PAX5: variants seen among roughly 807,000 people sequenced by gnomAD.
PAX5 encodes the protein paired box protein Pax-5.
Under a neutral mutation model 43.7 loss-of-function variants are expected in PAX5, and 9 were observed. That is an observed-to-expected ratio of 0.21 (90% CI 0.12 to 0.36). The LOEUF is 0.36. PAX5 is among the 10% of genes least tolerant of loss of function. The pLI, the probability that PAX5 is intolerant of heterozygous loss-of-function variation, is 1.00. For synonymous variants in PAX5, 228 were observed against 214.3 expected (o/e 1.06, Z -0.56); for missense variants, 383 against 532.7 (o/e 0.72, Z 2.77).
intron 1 of PAX5, among the ~76,000 whole-genome samples, chr9:37,029,239 G>T (rs1220853746): frequency 6.6e-6 from 1 of 152,108 alleles, no homozygotes; most frequent in African/African-American, 2.4e-5. Flanking sequence ...TCTCTGCCTC[G>T]GTTTCCCTTC....
intron 6 of PAX5, among the ~76,000 whole-genome samples, chr9:36,958,900 TG>T (rs2132148468): frequency 6.6e-6 from 1 of 152,318 alleles, no homozygotes; most frequent in East Asian, 1.9e-4. Context: ...AGCCAGATAC[TG>T]TCTGGAGGCA....
chr9:36,841,302 T>C (rs1375865647), intron 9 of PAX5, among the ~76,000 whole-genome samples: 1 of 152,234 alleles, frequency 6.6e-6, no homozygotes, highest in Non-Finnish European at 1.5e-5. Context: ...GCATGTATTA[T>C]CTCATTTAAA....
rs531846527 is a variant in PAX5, at chr9:37,020,867, C to A, written c.47-66G>T. On this transcript the variant is annotated intron_variant, in intron 1 of 9. Transcript: ENST00000358127. The stretch of plus-strand genomic sequence containing the variant: ...TAGAACCAGTCACATAGGAGAAGCA[C>A]CGCTGTGAGGACCCAGAGCCCCTCT... 587 of 1,552,150 alleles carry A rather than the reference C, an allele frequency of 3.8e-4. 9 individuals are homozygous for A. The South Asian group carries it at 6.5e-3, about 17-fold the overall frequency.
rs529500043 is a variant in PAX5 at position 37,034,155 on chromosome 9, T to C, written c.-124A>G. The C allele has an allele frequency of 1.7e-6, 1 of 579,604 alleles. No homozygotes were observed. Among genetic ancestry groups the C allele is most frequent in the South Asian group, 2.0e-5 (1 of 49,520 alleles). 35.9% of individuals were successfully genotyped at this position (579,604 alleles called of 1,614,324 possible). On this transcript the variant is annotated 5_prime_UTR_variant, in exon 1 of 10. Coordinates refer to ENST00000358127, the MANE Select transcript of PAX5 (RefSeq NM_016734.3). ...GCCAGGGGCCGCTCACAGGTCGGAA[T>C]AATTCAAGCCTTCCGCTCCCCCGCC... is the stretch of plus-strand genomic sequence containing the variant.
At chr9:37,029,206 C>G (rs558537680) in intron 1 of PAX5, among the ~76,000 whole-genome samples, 18 of 152,300 alleles carry the variant, frequency 1.2e-4, no homozygotes, top group African/African-American at 4.3e-4. Context: ...TGAGAGGATT[C>G]CTGGGTTATC....
intron 5 of PAX5, among the ~76,000 whole-genome samples, chr9:36,981,739 G>A (rs554041550): frequency 2.0e-5 from 3 of 152,354 alleles, no homozygotes; most frequent in East Asian, 3.9e-4. Context: ...CAAAAGTGGT[G>A]GAGCACAGAG....
chr9:36,928,054 C>T (rs1257396303), intron 6 of PAX5, among the ~76,000 whole-genome samples: 3 of 152,230 alleles, frequency 2.0e-5, no homozygotes, highest in African/African-American at 7.2e-5. Flanking sequence ...TTGCCCAGAG[C>T]CCAGCCTCTC....
chr9:36,868,586 G>A (rs1825127342), intron 8 of PAX5, among the ~76,000 whole-genome samples: 1 of 152,146 alleles, frequency 6.6e-6, no homozygotes, highest in South Asian at 2.1e-4. Context: ...CCAAGTGTGA[G>A]CTCCGTAGCA....
chr9:36,980,622 G>C (rs1280114672), intron 5 of PAX5, among the ~76,000 whole-genome samples: 1 of 152,166 alleles, frequency 6.6e-6, no homozygotes, highest in East Asian at 1.9e-4. Flanking sequence ...TGGGGGAGGA[G>C]GGTCATACAG....
chr9:36,981,187 C>CG (rs1470099259), intron 5 of PAX5, among the ~76,000 whole-genome samples: 1 of 129,708 alleles, frequency 7.7e-6, no homozygotes, highest in African/African-American at 3.1e-5. Flanking sequence ...ACAGCAAAGC[C>CG]CCCCCCCCCT....
intron 7 of PAX5, among the ~76,000 whole-genome samples, chr9:36,917,413 C>A (rs1456408776): frequency 6.6e-6 from 1 of 152,222 alleles, no homozygotes; most frequent in South Asian, 2.1e-4. Context: ...CCAACCACCA[C>A]GACTATGTGG....
chr9:36,961,447 C>T (rs1833967905), intron 6 of PAX5, among the ~76,000 whole-genome samples: 1 of 152,196 alleles, frequency 6.6e-6, no homozygotes, highest in Non-Finnish European at 1.5e-5. Flanking sequence ...CCATTTTGCA[C>T]CCGTATTGAT....
At chr9:36,984,348 A>G (rs76852522) in intron 5 of PAX5, among the ~76,000 whole-genome samples, 3,255 of 151,758 alleles carry the variant, frequency 0.021, 42 homozygotes, top group East Asian at 0.069. Context: ...AGTTATATGC[A>G]CAGGCTCTGA....
At chr9:36,874,246 T>C (rs1825728271) in intron 8 of PAX5, among the ~76,000 whole-genome samples, 1 of 152,178 alleles carries the variant, frequency 6.6e-6, no homozygotes, top group African/African-American at 2.4e-5. Context: ...CTAATAATGG[T>C]GAAGCCACAT....
intron 7 of PAX5, among the ~76,000 whole-genome samples, chr9:36,915,645 T>A (rs1006730319): frequency 6.6e-6 from 1 of 152,206 alleles, no homozygotes; most frequent in Admixed American, 6.5e-5. Context: ...TTTTTTTCAT[T>A]TTGTTCTTTG....
chr9:36,917,336 T>G (rs10124466), intron 7 of PAX5, among the ~76,000 whole-genome samples: 2,802 of 152,196 alleles, frequency 0.018, 90 homozygotes, highest in African/African-American at 0.064. Context: ...GTAAGATAAA[T>G]AAGGAAGCAA....
At chr9:36,887,581 G>A (rs1485741623) in intron 7 of PAX5, among the ~76,000 whole-genome samples, 1 of 152,170 alleles carries the variant, frequency 6.6e-6, no homozygotes, top group Non-Finnish European at 1.5e-5. Context: ...TAATCCAGGT[G>A]CAGAAAGACT....
intron 1 of PAX5, chr9:37,026,635 C>T: frequency 7.4e-7 from 1 of 1,351,866 alleles, no homozygotes; most frequent in Non-Finnish European, 9.7e-7. Flanking sequence ...AAGGGGCTGC[C>T]CAGGGCGGAT....
chr9:37,030,495 C>T (rs1840873960), intron 1 of PAX5, among the ~76,000 whole-genome samples: 1 of 152,232 alleles, frequency 6.6e-6, no homozygotes, highest in Non-Finnish European at 1.5e-5. Context: ...CTCACCGCGG[C>T]TCTCAACGCA....
Sources: allele counts gnomAD v4.1 joint callset (sites outside exome capture counted in the v4.1 genomes callset), GRCh38; gene constraint gnomAD v4.1.1; transcripts MANE v1.5; gene names NCBI Gene and HGNC (gene_info 2026-07-23, HGNC 2026-07-21).